Variants in UTY observed in about 807,000 individuals in gnomAD.
UTY encodes histone demethylase UTY.
UTY carries 12 observed loss-of-function variants against 32.5 expected under a neutral mutation model. That is an observed-to-expected ratio of 0.37 (90% confidence interval 0.24 to 0.60). The LOEUF (loss-of-function observed/expected upper bound fraction) is 0.60. Among genes scored for constraint, UTY ranks in the 20% least tolerant of loss-of-function variants. The probability of loss-of-function intolerance (pLI) is 0.69; values close to 1 mark genes in which losing one functional copy is unlikely to be tolerated. For synonymous variants in UTY, 131 were observed against 103.4 expected, an observed-to-expected ratio of 1.27 and a Z score of -1.62; for missense variants, 303 against 299.2, an observed-to-expected ratio of 1.01 and a Z score of -0.09.
At chrY:13,318,546 T>C in intron 21 of UTY, among the ~76,000 whole-genome samples, 1 of 32,959 alleles carries the variant, frequency 3.0e-5, no homozygotes, top group Non-Finnish European at 7.5e-5. Flanking sequence ...TTTCTAGAGA[T>C]TGGGTTTGAT....
intron 27 of UTY, among the ~76,000 whole-genome samples, chrY:13,291,845 T>G: frequency 2.9e-5 from 1 of 33,947 alleles, no homozygotes; most frequent in Non-Finnish European, 7.3e-5. Flanking sequence ...TATGATCATT[T>G]CAAATAATTC....
chrY:13,255,716 T>A (rs2054665198), intron 28 of UTY, among the ~76,000 whole-genome samples: 1 of 33,528 alleles, frequency 3.0e-5, no homozygotes, highest in Non-Finnish European at 7.4e-5. Context: ...TAGTCACAGA[T>A]TTAAAAGACT....
At chrY:13,366,137 T>C (rs868562713) in intron 10 of UTY, 130 bp downstream of exon 10, 1 of 198,568 alleles carries the variant, frequency 5.0e-6, no homozygotes, top group Non-Finnish European at 7.4e-6. Context: ...GCTGGGATTA[T>C]AGGCGTGAGC....
chrY:13,326,287 T>A lies in UTY; in HGVS notation c.2898A>T (p.Arg966Ser). 2.5e-6 allele frequency: 1 copy of A among 397,533 alleles called. No individual in the cohort carries two copies. ...CILLDKCPPP[R>S]PPTSPYPPLP... Reference sequence around the variant, plus strand: ...AGGGTGGGTATGGTGAAGTTGGTGGTCTTGGAGGTGGACATTTATCTAACA... The same window carrying A: ...AGGGTGGGTATGGTGAAGTTGGTGGACTTGGAGGTGGACATTTATCTAACA... The change falls in exon 19 of 30, where the codon AGA (arginine) becomes AGT (serine). Residue 966 changes from arginine to serine, a missense_variant. Physicochemically the swap from Arg to Ser is moderately radical, Grantham distance 110. Coordinates refer to ENST00000545955, the MANE Select transcript of UTY (RefSeq NM_001258249.2).
chrY:13,279,425 T>C (rs772543273), intron 27 of UTY, among the ~76,000 whole-genome samples: 36 of 33,166 alleles, frequency 1.1e-3, no homozygotes, highest in African/African-American at 4.0e-3. Context: ...AATTTTTTTA[T>C]TTTTAGCAGA....
intron 3 of UTY, among the ~76,000 whole-genome samples, chrY:13,452,775 G>C: frequency 3.0e-5 from 1 of 33,852 alleles, no homozygotes; most frequent in South Asian, 6.4e-4. Context: ...ATTAACCAGA[G>C]ATCTAAGTGT....
intron 17 of UTY, among the ~76,000 whole-genome samples, chrY:13,346,792 A>G (rs2061937463): frequency 9.0e-5 from 3 of 33,228 alleles, no homozygotes; most frequent in Non-Finnish European, 2.2e-4. Context: ...GCAGTTCCCA[A>G]CACTATATCA....
At chrY:13,427,468 A>G in intron 4 of UTY, among the ~76,000 whole-genome samples, 1 of 33,395 alleles carries the variant, frequency 3.0e-5, no homozygotes, top group East Asian at 7.7e-4. Context: ...TTCACCTATA[A>G]AGATACTCAC....
chrY:13,374,042 T>C, intron 8 of UTY, among the ~76,000 whole-genome samples: 1 of 33,831 alleles, frequency 3.0e-5, no homozygotes, highest in Non-Finnish European at 7.3e-5. Flanking sequence ...GTATATTTCA[T>C]ATAGGTAGAT....
chrY:13,316,575 T>C (rs2059499891), intron 21 of UTY, among the ~76,000 whole-genome samples: 1 of 33,504 alleles, frequency 3.0e-5, no homozygotes, highest in Non-Finnish European at 7.4e-5. Flanking sequence ...CAGCTGGTCT[T>C]AATTTCTCCT....
intron 27 of UTY, among the ~76,000 whole-genome samples, chrY:13,293,702 C>A (rs2057877602): frequency 3.1e-5 from 1 of 32,355 alleles, no homozygotes; most frequent in African/African-American, 1.2e-4. Flanking sequence ...AGAGACTCAA[C>A]AAAGAAAACT....
chrY:13,271,168 A>C (rs2148525077), intron 27 of UTY, among the ~76,000 whole-genome samples: 1 of 33,478 alleles, frequency 3.0e-5, no homozygotes, highest in Non-Finnish European at 7.4e-5. Flanking sequence ...ATGATAAGAC[A>C]CTTAAGATGA....
At chrY:13,371,087 C>CA (rs2064865055) in intron 8 of UTY, among the ~76,000 whole-genome samples, 1 of 31,972 alleles carries the variant, frequency 3.1e-5, no homozygotes, top group Non-Finnish European at 7.6e-5. Context: ...ACCCAAACCT[C>CA]AAAAATTATA....
chrY:13,326,177 T>C (rs1430355715), intron 19 of UTY, 44 bp downstream of exon 19: 1 of 391,010 alleles, frequency 2.6e-6, no homozygotes, highest in Non-Finnish European at 3.6e-6. Context: ...GACACATTAG[T>C]TCAGACTCTC....
intron 21 of UTY, among the ~76,000 whole-genome samples, chrY:13,317,749 A>G (rs2059576184): frequency 2.9e-5 from 1 of 33,919 alleles, no homozygotes; most frequent in South Asian, 6.4e-4. Flanking sequence ...AACATGTTTT[A>G]TTATTTGCTT....
chrY:13,378,111 T>C (rs2065597312), intron 8 of UTY, among the ~76,000 whole-genome samples: 2 of 33,719 alleles, frequency 5.9e-5, no homozygotes, highest in Admixed American at 5.3e-4. Flanking sequence ...GTATCTGGTA[T>C]AACAGACTTA....
intron 4 of UTY, among the ~76,000 whole-genome samples, chrY:13,426,800 A>C: frequency 3.0e-5 from 1 of 32,814 alleles, no homozygotes; most frequent in South Asian, 6.7e-4. Context: ...AAATTCAAAT[A>C]CCAAAACTGT....
At chrY:13,280,664 A>G in intron 27 of UTY, among the ~76,000 whole-genome samples, 1 of 31,506 alleles carries the variant, frequency 3.2e-5, no homozygotes, top group Non-Finnish European at 7.7e-5. Flanking sequence ...GGCGCCCACC[A>G]CCACGCCCAG....
intron 27 of UTY, chrY:13,287,197 T>C: frequency 2.6e-6 from 1 of 386,560 alleles, no homozygotes; most frequent in Non-Finnish European, 3.7e-6. Context: ...AAGAAGAAAT[T>C]TGACTGGACA....
Sources: allele counts gnomAD v4.1 joint callset (sites outside exome capture counted in the v4.1 genomes callset), GRCh38; gene constraint gnomAD v4.1.1; transcripts MANE v1.5; gene names NCBI Gene and HGNC (gene_info 2026-07-23, HGNC 2026-07-21).